SBF2: variants seen among roughly 807,000 people sequenced by gnomAD.
SBF2 encodes the protein SET binding factor 2.
Under a neutral mutation model 225.2 loss-of-function variants are expected in SBF2, and 112 were observed. The observed-to-expected ratio is 0.50, with a 90% CI of 0.43 to 0.58. The LOEUF (loss-of-function observed/expected upper bound fraction) is 0.58, where lower values mean the gene tolerates loss of function less well. SBF2 is among the 20% of genes least tolerant of loss of function. The pLI is 0.00. For synonymous variants in SBF2, 763 were observed against 773.3 expected (o/e 0.99, Z 0.22); for missense variants, 1,996 against 2,206.2 (o/e 0.90, Z 1.91).
chr11:10,071,485 C>T (rs918370866), intron 2 of SBF2, among the ~76,000 whole-genome samples: 67 of 152,040 alleles, frequency 4.4e-4, no homozygotes, highest in Non-Finnish European at 1.6e-4. Context: ...CCAGGATGGT[C>T]TTGATTTCCC....
intron 2 of SBF2, among the ~76,000 whole-genome samples, chr11:10,140,103 C>T (rs1954569723): frequency 6.6e-6 from 1 of 152,132 alleles, no homozygotes; most frequent in Admixed American, 6.5e-5. Flanking sequence ...CTTCTAAAAC[C>T]CTTGTAATTT....
At chr11:9,873,367 G>A (rs548752388) in intron 17 of SBF2, among the ~76,000 whole-genome samples, 2 of 152,268 alleles carry the variant, frequency 1.3e-5, no homozygotes, top group Non-Finnish European at 2.9e-5. Context: ...CAAAAGATAT[G>A]TTATGGAAAC....
chr11:9,856,373 G>A, intron 19 of SBF2, 85 bp downstream of exon 19: 3 of 1,543,776 alleles, frequency 1.9e-6, no homozygotes, highest in South Asian at 2.2e-5. Context: ...AGCAGTATTT[G>A]CTCAAAATGT....
intron 16 of SBF2, among the ~76,000 whole-genome samples, chr11:9,902,208 C>T (rs956705180): frequency 6.6e-6 from 1 of 152,206 alleles, no homozygotes; most frequent in East Asian, 1.9e-4. Flanking sequence ...GAGACATGTA[C>T]CATCTATTCT....
At chr11:9,850,599 A>C (rs185169379) in intron 21 of SBF2, among the ~76,000 whole-genome samples, 1 of 152,206 alleles carries the variant, frequency 6.6e-6, no homozygotes, top group Non-Finnish European at 1.5e-5. Flanking sequence ...TACTTAGTCC[A>C]TGGTTATCTT....
chr11:9,936,819 T>C (rs946670257), intron 16 of SBF2, among the ~76,000 whole-genome samples: 21 of 152,054 alleles, frequency 1.4e-4, no homozygotes, highest in African/African-American at 4.6e-4. Flanking sequence ...GGGTCTGGGG[T>C]AGGGATAGCA....
At chr11:9,841,029 C>T (rs1856097944) in intron 25 of SBF2, among the ~76,000 whole-genome samples, 1 of 151,356 alleles carries the variant, frequency 6.6e-6, no homozygotes, top group Non-Finnish European at 1.5e-5. Flanking sequence ...AAGTAAGAGA[C>T]ATCAAATCAA....
intron 20 of SBF2, 64 bp from the exon 21 acceptor site, chr11:9,852,813 G>C (rs1857052200): frequency 1.6e-6 from 2 of 1,216,004 alleles, no homozygotes; most frequent in Non-Finnish European, 2.4e-6. Flanking sequence ...ACAAATTCTG[G>C]ATATTTTAGA....
chr11:10,199,881 G>A (rs1957512888), intron 1 of SBF2, among the ~76,000 whole-genome samples: 1 of 152,174 alleles, frequency 6.6e-6, no homozygotes, highest in South Asian at 2.1e-4. Flanking sequence ...ATGGAATATG[G>A]AGGTATGGAG....
At chr11:10,275,167 G>C (rs1341860831) in intron 1 of SBF2, among the ~76,000 whole-genome samples, 1 of 152,060 alleles carries the variant, frequency 6.6e-6, no homozygotes, top group Non-Finnish European at 1.5e-5. Context: ...ACAGTTTATA[G>C]AGAAAGGAGA....
chr11:10,140,365 A>G (rs1041478430), intron 2 of SBF2, among the ~76,000 whole-genome samples: 3 of 152,204 alleles, frequency 2.0e-5, no homozygotes, highest in Admixed American at 2.0e-4. Flanking sequence ...CAATTGAGTT[A>G]ATCACTATTG....
chr11:9,790,750 T>C, intron 33 of SBF2, 67 bp from the exon 34 acceptor site: 3 of 1,220,658 alleles, frequency 2.5e-6, no homozygotes, highest in Non-Finnish European at 3.6e-6. Context: ...AAACGTATGA[T>C]GCATGCAGCA....
chr11:9,930,260 T>A (rs1864388123), intron 16 of SBF2, among the ~76,000 whole-genome samples: 1 of 152,206 alleles, frequency 6.6e-6, no homozygotes, highest in African/African-American at 2.4e-5. Flanking sequence ...CAACCTAATA[T>A]TTATACAATA....
Position 10,022,785 on chromosome 11 carries a change from T to G in SBF2, c.619+5667A>C, listed in dbSNP as rs994043385. On this transcript the variant is annotated intron_variant, in intron 6 of 39. Transcript: ENST00000256190. The stretch of plus-strand genomic sequence containing the variant: ...TTTTAAATCTCTTTCAATCTCGAGG[T>G]TGAGGAACCTCTAGATTGTTAAAGA... Among the ~76,000 whole-genome samples the G allele has an allele frequency of 2.6e-5, 4 of 152,314 alleles. No homozygotes were observed. In the South Asian group the frequency reaches 8.3e-4, roughly 32 times the overall value.
At chr11:9,808,410 G>A (rs1011878876) in intron 31 of SBF2, 4 of 583,460 alleles carry the variant, frequency 6.9e-6, no homozygotes, top group Non-Finnish European at 1.2e-5. Context: ...TCAGGGAATT[G>A]AGACTTTAAT....
At chr11:10,128,256 G>A (rs1362219664) in intron 2 of SBF2, among the ~76,000 whole-genome samples, 1 of 152,148 alleles carries the variant, frequency 6.6e-6, no homozygotes, top group African/African-American at 2.4e-5. Flanking sequence ...ACGAAGTCAG[G>A]CATTGTATCA....
At chr11:9,780,773 T>G (rs1851953111) in intron 39 of SBF2, 1 of 475,472 alleles carries the variant, frequency 2.1e-6, no homozygotes, top group South Asian at 2.1e-5. Context: ...TTTCTTAGTG[T>G]CGTCTTTGAC....
chr11:9,907,912 C>G (rs1220483008), intron 16 of SBF2, among the ~76,000 whole-genome samples: 1 of 152,192 alleles, frequency 6.6e-6, no homozygotes, highest in Non-Finnish European at 1.5e-5. Flanking sequence ...CTGAGCCTCT[C>G]AGAGGTTAAA....
At chr11:10,034,956 T>C (rs1040094021) in intron 3 of SBF2, among the ~76,000 whole-genome samples, 2 of 152,106 alleles carry the variant, frequency 1.3e-5, no homozygotes, top group Non-Finnish European at 2.9e-5. Context: ...TGGGAAATAA[T>C]GAATGCATAA....
Sources: gnomAD v4.1 joint callset for allele counts (sites outside exome capture counted in the v4.1 genomes callset) on GRCh38, gnomAD v4.1.1 for gene constraint, MANE v1.5 for transcripts, NCBI Gene and HGNC (gene_info 2026-07-23, HGNC 2026-07-21) for gene names.